Variants in CRLS1 observed in about 807,000 individuals in gnomAD.
CRLS1 encodes cardiolipin synthase (CMP-forming).
Under a neutral mutation model 37.0 loss-of-function variants are expected in CRLS1, and 24 were observed. That is an observed-to-expected ratio of 0.65 (90% CI 0.47 to 0.91). CRLS1 has a LOEUF of 0.91. CRLS1 is among the 40% of genes least tolerant of loss of function. CRLS1 has a pLI of 0.00. For synonymous variants in CRLS1, 135 were observed against 159.7 expected, an observed-to-expected ratio of 0.85 and a Z score of 1.17; for missense variants, 373 against 395.8, an observed-to-expected ratio of 0.94 and a Z score of 0.49.
chr20:6,010,920 G>C (rs1435306627), intron 2 of CRLS1, among the ~76,000 whole-genome samples: 2 of 152,082 alleles, frequency 1.3e-5, no homozygotes, highest in African/African-American at 4.8e-5. Context: ...AGGAGGCTGA[G>C]GCAGGAGGAT....
At chr20:6,033,907 A>G (rs780256065) in intron 5 of CRLS1, among the ~76,000 whole-genome samples, 6 of 152,060 alleles carry the variant, frequency 3.9e-5, no homozygotes, top group Non-Finnish European at 7.4e-5. Flanking sequence ...CAGCCTCCCA[A>G]AGTGTTGGGA....
In CRLS1 at chr20:6,038,232, G is replaced by A. The variant is rs1020081460; in HGVS notation, c.*1074G>A. 2 of 151,006 alleles carry A rather than the reference G, an allele frequency of 1.3e-5. No individual in the cohort carries two copies. Among genetic ancestry groups the A allele is most frequent in the Non-Finnish European group, 1.5e-5 (1 of 68,056 alleles). 9.4% of individuals were successfully genotyped at this position (151,006 alleles called of 1,614,324 possible). A position where few individuals can be genotyped will look rare whatever the true frequency, so the allele number is the denominator to read the frequency against. On this transcript the variant is annotated 3_prime_UTR_variant, in exon 7 of 7. Coordinates refer to ENST00000378863, the MANE Select transcript of CRLS1 (RefSeq NM_019095.6). ...ATGTTTAGGAGAATGTGGGATATGGGGAAGGGGAGAAGAAGACAGTCCAGT... is the reference window on the plus strand; with the variant it reads ...ATGTTTAGGAGAATGTGGGATATGGAGAAGGGGAGAAGAAGACAGTCCAGT...
In CRLS1 at chr20:6,018,912, A is replaced by G. The variant is rs141239113; in HGVS notation, c.574+3422A>G. On this transcript the variant is annotated intron_variant, in intron 3 of 6. Coordinates refer to ENST00000378863, the MANE Select transcript of CRLS1 (RefSeq NM_019095.6). ...GGTATAAATCCAACATTGCCATGAT[A>G]TATTATGAAGAGATTGCTGGATTTG... 2.0e-4 allele frequency among the ~76,000 whole-genome samples: 30 copies of G among 152,386 alleles called. 1 individual carries two copies. The East Asian group carries it at 5.8e-3, about 29-fold the overall frequency.
chr20:6,014,099 C>T (rs544438607), intron 2 of CRLS1, among the ~76,000 whole-genome samples: 2 of 152,318 alleles, frequency 1.3e-5, no homozygotes, highest in East Asian at 3.9e-4. Flanking sequence ...ATAGCAATAG[C>T]TAGTAACTGC....
At chr20:6,030,585 G>T (rs769913091) in intron 3 of CRLS1, among the ~76,000 whole-genome samples, 2 of 151,430 alleles carry the variant, frequency 1.3e-5, no homozygotes, top group Admixed American at 6.6e-5. Flanking sequence ...AGGCATGGTG[G>T]CGTGCATCTG....
intron 2 of CRLS1, among the ~76,000 whole-genome samples, chr20:6,013,222 C>CTTTT (rs10574006): frequency 1.9e-4 from 24 of 129,046 alleles, no homozygotes; most frequent in African/African-American, 5.6e-4. Context: ...TTTGTTTGGC[C>CTTTT]TTTTTTTTTT....
At position 6,039,261 on chromosome 20, in the gene CRLS1, T is replaced by TGTG. The variant is rs1980794694; in HGVS notation, c.*2103_*2104insGTG. On this transcript the variant is annotated 3_prime_UTR_variant, in exon 7 of 7. Coordinates refer to ENST00000378863, the MANE Select transcript of CRLS1 (RefSeq NM_019095.6). Reference sequence around the variant, plus strand: ...CACCAACTGTGCTTTGCAGTTTTGTTTGTGTGTGTGTGTGTGTGTGTGTGT... The same window carrying TGTG: ...CACCAACTGTGCTTTGCAGTTTTGTTGTGTGTGTGTGTGTGTGTGTGTGTGTGT... 6.8e-6 allele frequency: 1 copy of TGTG among 147,856 alleles called. No individual in the cohort carries two copies. The highest frequency in any genetic ancestry group is 6.8e-5 in the Admixed American group (1 of 14,702). 9.2% of individuals were successfully genotyped at this position (147,856 alleles called of 1,614,324 possible).
upstream of CRLS1, chr20:6,006,118 A>G: frequency 4.5e-6 from 2 of 440,998 alleles, no homozygotes; most frequent in South Asian, 2.4e-4. Context: ...TGGGGTGTGT[A>G]AAGTAGTATG....
At position 6,038,700 on chromosome 20, in the gene CRLS1, A is replaced by C. The variant is rs1429424190; in HGVS notation, c.*1542A>C. 6.6e-6 allele frequency: 1 copy of C among 152,246 alleles called. No individual in the cohort carries two copies. Among genetic ancestry groups the C allele is most frequent in the African/African-American group, 2.4e-5 (1 of 41,466 alleles). The allele number at this position is 152,246 out of a possible 1,614,324, so 9.4% of individuals were successfully genotyped here. A position where few individuals can be genotyped will look rare whatever the true frequency, so the allele number is the denominator to read the frequency against. On this transcript the variant is annotated 3_prime_UTR_variant, in exon 7 of 7. Coordinates refer to ENST00000378863, the MANE Select transcript of CRLS1 (RefSeq NM_019095.6). ...GCACACTGAGCATTAGTGACGGGTG[A>C]GCCACATAAGAATAATGTTTAAAAA...
chr20:6,007,079 A>G (rs1367355384), intron 1 of CRLS1, among the ~76,000 whole-genome samples: 1 of 152,200 alleles, frequency 6.6e-6, no homozygotes, highest in Non-Finnish European at 1.5e-5. Flanking sequence ...GATTTAAACT[A>G]TTCTTGAGGT....
In CRLS1 at chr20:6,032,018, C is replaced by G. The variant is rs201759785; in HGVS notation, c.667C>G (p.Leu223Val). The G allele has an allele frequency of 8.1e-6, 13 of 1,612,402 alleles. No individual in the cohort carries two copies. The Admixed American group carries it at 2.2e-4, about 27-fold the overall frequency. ...TTTTTTGGTCCTCTGCCAGCGAACA[C>G]TTGCCAAGTATTTCAATCCTTGCTA... is the stretch of plus-strand genomic sequence containing the variant. ...RYRTLPTPRTLAKYFNPCYAT... is the reference protein window; with the variant it reads ...RYRTLPTPRTVAKYFNPCYAT... The change falls in exon 5 of 7, where the codon CTT (leucine) becomes GTT (valine). Residue 223 changes from leucine (L) to valine (V), a missense_variant. Leu to Val is a conservative substitution (Grantham distance 32). Transcript: ENST00000378863.
At chr20:6,008,609 T>C (rs1025115401) in intron 1 of CRLS1, among the ~76,000 whole-genome samples, 2 of 152,206 alleles carry the variant, frequency 1.3e-5, no homozygotes, top group African/African-American at 4.8e-5. Context: ...TCCATGACTG[T>C]TTTGAACAAA....
At chr20:6,016,674 G>GT (rs1389585992) in intron 3 of CRLS1, among the ~76,000 whole-genome samples, 1 of 152,136 alleles carries the variant, frequency 6.6e-6, no homozygotes, top group Non-Finnish European at 1.5e-5. Flanking sequence ...TTGTTTCCAG[G>GT]TTTTTTGGAA....
At chr20:6,014,239 G>A (rs957057175) in intron 2 of CRLS1, among the ~76,000 whole-genome samples, 1 of 152,154 alleles carries the variant, frequency 6.6e-6, no homozygotes, top group Non-Finnish European at 1.5e-5. Flanking sequence ...GGCTTAGTCA[G>A]GCCAAATAAC....
chr20:6,024,380 G>A (rs77382669), intron 3 of CRLS1, among the ~76,000 whole-genome samples: 56 of 152,272 alleles, frequency 3.7e-4, no homozygotes, highest in African/African-American at 1.2e-3. Context: ...CAGTGAACCC[G>A]TCAGAGTCAT....
At chr20:6,035,424 AT>A (rs1427609887) in intron 6 of CRLS1, among the ~76,000 whole-genome samples, 2 of 152,054 alleles carry the variant, frequency 1.3e-5, no homozygotes, top group African/African-American at 2.4e-5. Context: ...AACTTAAAAC[AT>A]TTGCAAAGCA....
chr20:6,008,090 CTT>C (rs11479572), intron 1 of CRLS1, among the ~76,000 whole-genome samples: 14,211 of 138,364 alleles, frequency 0.1, 1,248 homozygotes, highest in African/African-American at 0.24. Context: ...TTAGAGAATA[CTT>C]TTTTTTTTTT....
intron 3 of CRLS1, among the ~76,000 whole-genome samples, chr20:6,021,113 C>G (rs1172430979): frequency 6.9e-6 from 1 of 144,814 alleles, no homozygotes; most frequent in Admixed American, 7.0e-5. Flanking sequence ...GTCTCCCAGG[C>G]TAGAGTCCCA....
chr20:6,021,679 T>C (rs1208530593), intron 3 of CRLS1, among the ~76,000 whole-genome samples: 1 of 152,208 alleles, frequency 6.6e-6, no homozygotes, highest in African/African-American at 2.4e-5. Context: ...TATAGTCTTT[T>C]AACAGAAGCA....
Sources: gnomAD v4.1 joint callset for allele counts (sites outside exome capture counted in the v4.1 genomes callset) on GRCh38, gnomAD v4.1.1 for gene constraint, MANE v1.5 for transcripts, NCBI Gene and HGNC (gene_info 2026-07-23, HGNC 2026-07-21) for gene names.